Variants in VPS26B observed in about 807,000 individuals in gnomAD.
VPS26B encodes vacuolar protein sorting-associated protein 26B.
A neutral mutation model predicts 33.3 loss-of-function variants in VPS26B; 10 were observed. The ratio of observed to expected loss-of-function variants is 0.30; its 90% CI spans 0.19 to 0.51. The LOEUF is 0.51. Among genes scored for constraint, VPS26B ranks in the 20% least tolerant of loss-of-function variants. The pLI is 0.98. For synonymous variants in VPS26B, 190 were observed against 176.9 expected, an observed-to-expected ratio of 1.07 and a Z score of -0.59; for missense variants, 317 against 452.7, an observed-to-expected ratio of 0.70 and a Z score of 2.72.
intron 1 of VPS26B, among the ~76,000 whole-genome samples, chr11:134,231,425 G>A (rs555664762): frequency 2.0e-5 from 3 of 152,286 alleles, no homozygotes; most frequent in East Asian, 3.9e-4. Flanking sequence ...CTGGTGAGGC[G>A]TGGGCCGCTC....
intron 1 of VPS26B, among the ~76,000 whole-genome samples, chr11:134,228,530 A>G (rs1938511693): frequency 2.6e-5 from 4 of 151,598 alleles, no homozygotes; most frequent in Admixed American, 2.6e-4. Context: ...AGGCATTAGA[A>G]TAACCTTTGT....
intron 3 of VPS26B, among the ~76,000 whole-genome samples, 167 bp from the exon 4 acceptor site, chr11:134,242,952 C>T (rs926554639): frequency 2.6e-5 from 4 of 152,276 alleles, no homozygotes; most frequent in South Asian, 2.1e-4. Flanking sequence ...AAGTAAAGAC[C>T]GCACTGGGAA....
In VPS26B at chr11:134,225,153, G is replaced by C. The variant is rs1347279439; in HGVS notation, c.31G>C (p.Glu11Gln). Residue 11 changes from glutamate (E) to glutamine (Q), a missense_variant, in exon 1 of 6, where the codon GAG becomes CAG. Transcript: ENST00000281187. ...CTTCTTCGGCTTCGGGCAGAGCGTG[G>C]AGGTGGAAATCCTTCTGAACGATGC... Reference protein sequence around the residue: MSFFGFGQSVEVEILLNDAES... With the variant: MSFFGFGQSVQVEILLNDAES... The C allele has an allele frequency of 6.2e-7, 1 of 1,613,104 alleles. No individual in the cohort carries two copies. Among genetic ancestry groups the C allele is most frequent in the East Asian group, 2.2e-5 (1 of 44,832 alleles).
intron 2 of VPS26B, 141 bp from the exon 3 acceptor site, chr11:134,239,850 T>C: frequency 1.1e-6 from 1 of 876,188 alleles, no homozygotes; most frequent in Non-Finnish European, 1.8e-6. Flanking sequence ...AGAGGGTCTG[T>C]AACTTCTTAA....
chr11:134,236,841 TAG>T, intron 2 of VPS26B: 1 of 152,238 alleles, frequency 6.6e-6, no homozygotes, highest in Admixed American at 6.5e-5. Context: ...GTTTAATGAG[TAG>T]AGTTTCAGTG....
rs946675278 is a variant in VPS26B at position 134,224,904 on chromosome 11, C to T, written c.-219C>T. 1 of 202,106 alleles carries T rather than the reference C, an allele frequency of 4.9e-6. No homozygotes were observed. The highest frequency in any genetic ancestry group is 9.7e-6 in the Non-Finnish European group (1 of 103,304). 12.5% of individuals were successfully genotyped at this position (202,106 alleles called of 1,614,324 possible). Reference sequence around the variant, plus strand: ...CCTCGGTGCATTGCTGCTCGGGCGCCGCAGCCCGCAGCCGCCAGCCTCCCC... The same window carrying T: ...CCTCGGTGCATTGCTGCTCGGGCGCTGCAGCCCGCAGCCGCCAGCCTCCCC... On this transcript the variant is annotated 5_prime_UTR_variant, in exon 1 of 6. Coordinates refer to ENST00000281187, the MANE Select transcript of VPS26B (RefSeq NM_052875.5).
chr11:134,245,173 G>A lies in VPS26B; in HGVS notation c.864+93G>A. The A allele has an allele frequency of 6.6e-7, 1 of 1,521,626 alleles. No homozygotes were observed. The highest frequency in any genetic ancestry group is 8.8e-7 in the Non-Finnish European group (1 of 1,136,066). 94.3% of individuals were successfully genotyped at this position (1,521,626 alleles called of 1,614,324 possible). A position where few individuals can be genotyped will look rare whatever the true frequency, so the allele number is the denominator to read the frequency against. On this transcript the variant is annotated intron_variant, in intron 5 of 5. Transcript: ENST00000281187. This position sits in a 1 kb window ranked among gnomAD's most constrained non-coding sequence, Gnocchi z 4.7. ...AGGTCAGACTCCATTTTTGCCAAGA[G>A]GTGGGAACATTAGGTCGCCCACAAT...
In VPS26B at chr11:134,245,187, GT is replaced by G; in HGVS notation, c.864+108del. On this transcript the variant is annotated intron_variant, in intron 5 of 5. Coordinates refer to ENST00000281187, the MANE Select transcript of VPS26B (RefSeq NM_052875.5). The surrounding 1 kb of genome is among the most constrained non-coding windows in gnomAD (Gnocchi z 4.7). ...TTTTGCCAAGAGGTGGGAACATTAG[GT>G]CGCCCACAATTGCACAACAAGAATG... 1 of 1,467,714 alleles carries G rather than the reference GT, an allele frequency of 6.8e-7. No homozygotes were observed. The highest frequency in any genetic ancestry group is 9.1e-7 in the Non-Finnish European group (1 of 1,100,286). 90.9% of individuals were successfully genotyped at this position (1,467,714 alleles called of 1,614,324 possible).
chr11:134,228,506 C>T (rs1331865840), intron 1 of VPS26B, among the ~76,000 whole-genome samples: 1 of 150,776 alleles, frequency 6.6e-6, no homozygotes, highest in Non-Finnish European at 1.5e-5. Context: ...GGATGTATTT[C>T]TTGATCAAGA....
rs1267285680 is a variant in VPS26B, at chr11:134,225,173, C to T, written c.51C>T (p.Asn17=). The T allele has an allele frequency of 1.9e-6, 3 of 1,613,996 alleles. No homozygotes were observed. In the Admixed American group the frequency reaches 5.0e-5, roughly 27 times the overall value. Residue 17 remains asparagine (N), a synonymous_variant, in exon 1 of 6, where the codon AAC becomes AAT. Coordinates refer to ENST00000281187, the MANE Select transcript of VPS26B (RefSeq NM_052875.5). ...GCGTGGAGGTGGAAATCCTTCTGAA[C>T]GATGCAGAGAGTAGGAAGCGGGCCG... The part of the protein sequence containing the change: ...GQSVEVEILL[N]DAESRKRAEH...
chr11:134,246,895 T>C lies in VPS26B; in HGVS notation c.*1305T>C, dbSNP rs1294776150. 6.6e-6 allele frequency: 1 copy of C among 152,108 alleles called. No individual in the cohort carries two copies. Among genetic ancestry groups the C allele is most frequent in the South Asian group, 2.1e-4 (1 of 4,830 alleles). The allele number at this position is 152,108 out of a possible 1,614,324, so 9.4% of individuals were successfully genotyped here. A position where few individuals can be genotyped will look rare whatever the true frequency, so the allele number is the denominator to read the frequency against. ...GGAAATGACAGGCATTACTCTCCCA[T>C]TGGCCTCCCTTCCCTTTATAGAAAG... On this transcript the variant is annotated 3_prime_UTR_variant, in exon 6 of 6. Coordinates refer to ENST00000281187, the MANE Select transcript of VPS26B (RefSeq NM_052875.5).
rs748844969 is a variant in VPS26B at position 134,245,794 on chromosome 11, C to T, written c.*204C>T. On this transcript the variant is annotated 3_prime_UTR_variant, in exon 6 of 6. Coordinates refer to ENST00000281187, the MANE Select transcript of VPS26B (RefSeq NM_052875.5). The surrounding 1 kb of genome is among the most constrained non-coding windows in gnomAD (Gnocchi z 4.7). ...GAAGCAGTCTCTCCTTGGGATTCTGCGGCCGATGTGGGATAGAAGAGGTAG... is the reference window on the plus strand; with the variant it reads ...GAAGCAGTCTCTCCTTGGGATTCTGTGGCCGATGTGGGATAGAAGAGGTAG... 3 of 666,564 alleles carry T rather than the reference C, an allele frequency of 4.5e-6. No individual in the cohort carries two copies. Among genetic ancestry groups the T allele is most frequent in the Non-Finnish European group, 7.3e-6 (3 of 409,568 alleles). 41.3% of individuals were successfully genotyped at this position (666,564 alleles called of 1,614,324 possible).
Position 134,232,525 on chromosome 11 carries a change from G to A in VPS26B, c.224-2372G>A, listed in dbSNP as rs116154322. On this transcript the variant is annotated intron_variant, in intron 1 of 5. Coordinates refer to ENST00000281187, the MANE Select transcript of VPS26B (RefSeq NM_052875.5). ...CAGGAGGAAAGGCACTAGGGAGAAC[G>A]TGATGCTATGCAGGGAATGACTTCT... 5.3e-3 allele frequency among the ~76,000 whole-genome samples: 806 copies of A among 152,344 alleles called. 9 individuals carry two copies. The highest frequency in any genetic ancestry group is 0.018 in the African/African-American group (748 of 41,596).
chr11:134,233,669 G>A (rs1247515169), intron 1 of VPS26B, among the ~76,000 whole-genome samples: 4 of 152,078 alleles, frequency 2.6e-5, no homozygotes, highest in Non-Finnish European at 5.9e-5. Flanking sequence ...AGGTTGCAGT[G>A]AGTCGAGATC....
chr11:134,227,295 A>G (rs984623026), intron 1 of VPS26B, among the ~76,000 whole-genome samples: 3 of 152,208 alleles, frequency 2.0e-5, no homozygotes, highest in African/African-American at 7.2e-5. Context: ...TGAGCAAGGT[A>G]TTTTTTAGTA....
chr11:134,239,965 A>G, intron 2 of VPS26B, 26 bp from the exon 3 acceptor site: 1 of 1,613,980 alleles, frequency 6.2e-7, no homozygotes, highest in Non-Finnish European at 8.5e-7. Context: ...GGGAGTGTTT[A>G]TTCATGACAG....
Position 134,245,417 on chromosome 11 carries a change from C to T in VPS26B, c.865-27C>T. 1 of 1,613,508 alleles carries T rather than the reference C, an allele frequency of 6.2e-7. No individual in the cohort carries two copies. The highest frequency in any genetic ancestry group is 8.5e-7 in the Non-Finnish European group (1 of 1,179,524). ...GTCCCCATGCCTCCCTCTAAGGTGT[C>T]ACATTGCCCCCCTTTCAATTCTGCA... On this transcript the variant is annotated intron_variant, in intron 5 of 5. Coordinates refer to ENST00000281187, the MANE Select transcript of VPS26B (RefSeq NM_052875.5). The surrounding 1 kb of genome is among the most constrained non-coding windows in gnomAD (Gnocchi z 4.7).
At chr11:134,239,682 T>C (rs976752078) in intron 2 of VPS26B, 3 of 378,140 alleles carry the variant, frequency 7.9e-6, no homozygotes, top group African/African-American at 4.1e-5. Flanking sequence ...TAACATGTGA[T>C]TGGGGTACAA....
At chr11:134,228,825 C>T (rs1469059003) in intron 1 of VPS26B, among the ~76,000 whole-genome samples, 1 of 152,046 alleles carries the variant, frequency 6.6e-6, no homozygotes, top group Non-Finnish European at 1.5e-5. Flanking sequence ...TCATTGCATT[C>T]TTTGACTATG....
Sources: allele counts gnomAD v4.1 joint callset (sites outside exome capture counted in the v4.1 genomes callset), GRCh38; gene constraint gnomAD v4.1.1; non-coding constraint Gnocchi (gnomAD v3.1); transcripts MANE v1.5; gene names NCBI Gene and HGNC (gene_info 2026-07-23, HGNC 2026-07-21).